The following RERG variants were observed in gnomAD, a reference collection of about 807,000 sequenced individuals.
RERG encodes the protein RAS like estrogen regulated growth inhibitor.
Under a neutral mutation model 23.2 loss-of-function variants are expected in RERG, and 25 were observed. The observed-to-expected ratio is 1.08, with a 90% CI of 0.79 to 1.50. The LOEUF (loss-of-function observed/expected upper bound fraction) is 1.50, where lower values mean the gene tolerates loss of function less well. Ranked by LOEUF, RERG falls within the 40% of genes most tolerant of loss-of-function variation. The pLI, the probability that RERG is intolerant of heterozygous loss-of-function variation, is 0.00. For synonymous variants in RERG, 81 were observed against 89.1 expected, an observed-to-expected ratio of 0.91 and a Z score of 0.51; for missense variants, 253 against 250.1, an observed-to-expected ratio of 1.01 and a Z score of -0.08.
At chr12:15,129,642 T>C (rs563969674) in intron 2 of RERG, among the ~76,000 whole-genome samples, 1 of 152,118 alleles carries the variant, frequency 6.6e-6, no homozygotes, top group South Asian at 2.1e-4. Flanking sequence ...AGGAAGAGCA[T>C]TTCAAGCAGA....
chr12:15,182,093 T>C (rs1319447096), intron 2 of RERG, among the ~76,000 whole-genome samples: 1 of 150,516 alleles, frequency 6.6e-6, no homozygotes, highest in South Asian at 2.1e-4. Flanking sequence ...AGTTTCGCTG[T>C]TGTTGCCCAG....
chr12:15,117,459 T>G (rs1863743267), intron 3 of RERG, among the ~76,000 whole-genome samples: 1 of 152,138 alleles, frequency 6.6e-6, no homozygotes, highest in African/African-American at 2.4e-5. Flanking sequence ...TATTTTCGTA[T>G]GAACGATTCC....
At position 15,177,770 on chromosome 12, in the gene RERG, T is replaced by C. The variant is rs945816067; in HGVS notation, c.61+39659A>G. On this transcript the variant is annotated intron_variant, in intron 2 of 4. Transcript: ENST00000256953. ...TTGTTTTGACAGAGTCTAAGAAGAA[T>C]GTGAGGAACAAAGAAGCAAGAGAAA... Among the ~76,000 whole-genome samples, 4 of 150,348 alleles carry C rather than the reference T, an allele frequency of 2.7e-5. No homozygotes were observed. The East Asian group carries it at 5.8e-4, about 22-fold the overall frequency.
chr12:15,159,749 G>C (rs1000621993), intron 2 of RERG, among the ~76,000 whole-genome samples: 1 of 152,170 alleles, frequency 6.6e-6, no homozygotes, highest in Non-Finnish European at 1.5e-5. Flanking sequence ...GTGTGAACCC[G>C]GGAGGCGTAG....
At chr12:15,172,466 T>C (rs745375341) in intron 2 of RERG, among the ~76,000 whole-genome samples, 130 of 152,096 alleles carry the variant, frequency 8.5e-4, no homozygotes, top group Admixed American at 1.6e-3. Context: ...GTAGGCATAT[T>C]TTTTCTTTCT....
At chr12:15,166,760 C>A (rs568116166) in intron 2 of RERG, among the ~76,000 whole-genome samples, 2 of 150,548 alleles carry the variant, frequency 1.3e-5, no homozygotes, top group African/African-American at 4.9e-5. Flanking sequence ...GCCTGACAAA[C>A]GGATGGACTA....
chr12:15,218,055 A>G (rs1865466653), intron 1 of RERG: 1 of 152,442 alleles, frequency 6.6e-6, no homozygotes, highest in African/African-American at 2.4e-5. Context: ...CTCCAATGCA[A>G]CACAATTCAA....
intron 3 of RERG, among the ~76,000 whole-genome samples, chr12:15,120,807 G>GTGT (rs1863817481): frequency 6.6e-6 from 1 of 152,156 alleles, no homozygotes; most frequent in Non-Finnish European, 1.5e-5. Flanking sequence ...TGAGGGAAGT[G>GTGT]TGTTGTACCC....
rs1220624461 is a variant in RERG, at chr12:15,214,025, TGTGTGTGTGTGTGCGC to T, written c.61+3388_61+3403del. 4.8e-3 allele frequency among the ~76,000 whole-genome samples: 591 copies of T among 122,084 alleles called. 7 individuals are homozygous for T. The highest frequency in any genetic ancestry group is 0.022 in the African/African-American group (541 of 24,524). 80.1% of individuals were successfully genotyped at this position (122,084 alleles called of 152,430 possible). A position where few individuals can be genotyped will look rare whatever the true frequency, so the allele number is the denominator to read the frequency against. Reference sequence around the variant, plus strand: ...GTGTGTGTGTGTGTGTGTGTGTGTGTGTGTGTGTGTGTGCGCGTGTGTGGAGTTTTTACCTTATAAG... The same window carrying T: ...GTGTGTGTGTGTGTGTGTGTGTGTGTGTGTGTGGAGTTTTTACCTTATAAG... On this transcript the variant is annotated intron_variant, in intron 2 of 4. Coordinates refer to ENST00000256953, the MANE Select transcript of RERG (RefSeq NM_032918.3).
rs1863543798 is a variant in RERG at position 15,108,728 on chromosome 12, TA to T, written c.*381del. 6.1e-6 allele frequency: 1 copy of T among 162,868 alleles called. No individual in the cohort carries two copies. The allele number at this position is 162,868 out of a possible 1,614,324, so 10.1% of individuals were successfully genotyped here. A position where few individuals can be genotyped will look rare whatever the true frequency, so the allele number is the denominator to read the frequency against. ...GTTTTTACTGTATTTTCTGCTATCT[TA>T]GACTTTTAAGAAAATTATTTGTAGT... On this transcript the variant is annotated 3_prime_UTR_variant, in exon 5 of 5. Transcript: ENST00000256953.
intron 2 of RERG, among the ~76,000 whole-genome samples, chr12:15,213,911 G>T (rs777699112): frequency 6.6e-6 from 1 of 151,732 alleles, no homozygotes; most frequent in Non-Finnish European, 1.5e-5. Flanking sequence ...TAAGCCATAC[G>T]AAGTATTGTT....
intron 2 of RERG, among the ~76,000 whole-genome samples, chr12:15,216,232 A>G (rs1591674261): frequency 6.6e-6 from 1 of 152,218 alleles, no homozygotes; most frequent in East Asian, 1.9e-4. Context: ...GAGTTTAACT[A>G]TCTTCAATCT....
rs1453157028 is a variant in RERG, at chr12:15,194,168, G to A, written c.61+23261C>T. 3.3e-5 allele frequency among the ~76,000 whole-genome samples: 5 copies of A among 152,164 alleles called. No individual in the cohort carries two copies. The East Asian group carries it at 7.7e-4, about 23-fold the overall frequency. On this transcript the variant is annotated intron_variant, in intron 2 of 4. Transcript: ENST00000256953. ...CTGACAGGTGAAAAGGAGAGAGTGC[G>A]CAGCTGGGGGACATCTATGTTTGCA... is the stretch of plus-strand genomic sequence containing the variant.
intron 2 of RERG, among the ~76,000 whole-genome samples, chr12:15,147,542 A>C (rs1021114694): frequency 1.3e-5 from 2 of 152,252 alleles, no homozygotes; most frequent in African/African-American, 2.4e-5. Flanking sequence ...TTTGTTTTAA[A>C]ATACATATAC....
chr12:15,120,976 T>G (rs953830817), intron 3 of RERG, 87 bp downstream of exon 3: 3 of 1,005,016 alleles, frequency 3.0e-6, no homozygotes, highest in Non-Finnish European at 3.1e-6. Flanking sequence ...TAAAAGGAGC[T>G]TAAAAATGTT....
At chr12:15,130,959 T>C (rs1864035810) in intron 2 of RERG, among the ~76,000 whole-genome samples, 1 of 152,166 alleles carries the variant, frequency 6.6e-6, no homozygotes, top group Non-Finnish European at 1.5e-5. Context: ...AAGGTTAATC[T>C]GATCCTGGTA....
chr12:15,179,819 T>C (rs1480690496), intron 2 of RERG, among the ~76,000 whole-genome samples: 1 of 152,122 alleles, frequency 6.6e-6, no homozygotes, highest in East Asian at 1.9e-4. Context: ...GCTCTAGTTA[T>C]AGTCATTCAT....
At chr12:15,185,220 T>C (rs1864973580) in intron 2 of RERG, among the ~76,000 whole-genome samples, 1 of 152,162 alleles carries the variant, frequency 6.6e-6, no homozygotes. Context: ...AACTAGAATA[T>C]AGAACATGAA....
At chr12:15,161,775 A>G (rs969414211) in intron 2 of RERG, among the ~76,000 whole-genome samples, 4 of 152,300 alleles carry the variant, frequency 2.6e-5, no homozygotes, top group Admixed American at 1.3e-4. Flanking sequence ...TAACAATAAT[A>G]ATAATAATAA....
Sources: gnomAD v4.1 joint callset for allele counts (sites outside exome capture counted in the v4.1 genomes callset) on GRCh38, gnomAD v4.1.1 for gene constraint, MANE v1.5 for transcripts, NCBI Gene and HGNC (gene_info 2026-07-23, HGNC 2026-07-21) for gene names.